Variants in CLASP1 observed in about 807,000 individuals in gnomAD.
CLASP1 encodes cytoplasmic linker associated protein 1.
Under a neutral mutation model 192.3 loss-of-function variants are expected in CLASP1, and 38 were observed. The observed-to-expected ratio is 0.20, with a 90% CI of 0.15 to 0.26. CLASP1 has a LOEUF of 0.26. Ranked by LOEUF, CLASP1 falls within the 10% of genes least tolerant of loss-of-function variation. CLASP1 has a pLI of 1.00. For missense variants in CLASP1, 1,433 were observed against 1,932.5 expected (o/e 0.74, Z 4.85); for synonymous variants, 691 against 712.8 (o/e 0.97, Z 0.49).
intron 1 of CLASP1, among the ~76,000 whole-genome samples, 166 bp from the exon 2 acceptor site, chr2:121,606,346 T>C (rs947154283): frequency 1.3e-5 from 2 of 152,104 alleles, no homozygotes; most frequent in Non-Finnish European, 2.9e-5. Flanking sequence ...AATAACATAA[T>C]TATTATTTTT....
At chr2:121,351,102 G>A (rs189923728) in intron 37 of CLASP1, among the ~76,000 whole-genome samples, 51 of 152,292 alleles carry the variant, frequency 3.3e-4, no homozygotes, top group Middle Eastern at 6.8e-3. Context: ...CTTCCTGAAG[G>A]GAACCCCACC....
At chr2:121,599,205 T>C (rs1278664662) in intron 2 of CLASP1, among the ~76,000 whole-genome samples, 1 of 151,510 alleles carries the variant, frequency 6.6e-6, no homozygotes, top group East Asian at 1.9e-4. Flanking sequence ...TTCATCTACC[T>C]TCCCTGTTAA....
At chr2:121,575,689 A>G (rs2060449839) in intron 2 of CLASP1, among the ~76,000 whole-genome samples, 1 of 152,240 alleles carries the variant, frequency 6.6e-6, no homozygotes, top group Non-Finnish European at 1.5e-5. Flanking sequence ...AAGTGTTCAC[A>G]ACTCAATATA....
chr2:121,401,075 T>C (rs2076098215), intron 28 of CLASP1, among the ~76,000 whole-genome samples: 1 of 152,222 alleles, frequency 6.6e-6, no homozygotes, highest in Non-Finnish European at 1.5e-5. Flanking sequence ...CTCTAGCCAG[T>C]GTACTATTAA....
At chr2:121,644,813 C>T (rs897980548) in intron 1 of CLASP1, among the ~76,000 whole-genome samples, 1 of 151,944 alleles carries the variant, frequency 6.6e-6, no homozygotes, top group South Asian at 2.1e-4. Flanking sequence ...AGAAAATTAG[C>T]CAGGTGTGGT....
chr2:121,618,339 T>C lies in CLASP1; in HGVS notation c.-285-12159A>G, dbSNP rs146110550. ...GTTGAGTTCCATTCTTTCTTAGAAG[T>C]AGAGGTAAGGGAGAAGGTAGAAAAC... On this transcript the variant is annotated intron_variant, in intron 1 of 39. Coordinates refer to ENST00000263710, the Ensembl canonical transcript of CLASP1. 7.2e-4 allele frequency among the ~76,000 whole-genome samples: 110 copies of C among 152,246 alleles called. 1 individual carries two copies. Among genetic ancestry groups the C allele is most frequent in the African/African-American group, 2.4e-3 (101 of 41,530 alleles).
intron 37 of CLASP1, among the ~76,000 whole-genome samples, chr2:121,362,945 A>G (rs1226759821): frequency 6.6e-6 from 1 of 152,236 alleles, no homozygotes; most frequent in Non-Finnish European, 1.5e-5. Context: ...GGCCTGCTGG[A>G]AACAGTGAGC....
At chr2:121,393,575 A>G (rs1425102088) in intron 30 of CLASP1, among the ~76,000 whole-genome samples, 1 of 152,170 alleles carries the variant, frequency 6.6e-6, no homozygotes, top group African/African-American at 2.4e-5. Context: ...CACTACCTTC[A>G]TTTTGACAGT....
At position 121,341,437 on chromosome 2, in the gene CLASP1, C is replaced by T. The variant is rs1036852469; in HGVS notation, c.4531-490G>A. On this transcript the variant is annotated intron_variant, in intron 39 of 39. Coordinates refer to ENST00000263710, the Ensembl canonical transcript of CLASP1. ...CTGGGACTACAGGCATGTGACACCACGCCTGACAGTACTTTAAATGTAAAT... is the reference window on the plus strand; with the variant it reads ...CTGGGACTACAGGCATGTGACACCATGCCTGACAGTACTTTAAATGTAAAT... Among the ~76,000 whole-genome samples the T allele has an allele frequency of 2.3e-4, 35 of 152,286 alleles. 1 individual carries two copies. Among genetic ancestry groups the T allele is most frequent in the South Asian group, 1.7e-3 (8 of 4,834 alleles).
At chr2:121,523,212 G>A (rs949454173) in intron 6 of CLASP1, among the ~76,000 whole-genome samples, 4 of 152,150 alleles carry the variant, frequency 2.6e-5, no homozygotes, top group Non-Finnish European at 5.9e-5. Context: ...TCTGCCTTTT[G>A]GCAACTTTAA....
intron 30 of CLASP1, among the ~76,000 whole-genome samples, chr2:121,389,518 GC>G (rs1167187868): frequency 4.0e-5 from 6 of 150,550 alleles, no homozygotes; most frequent in African/African-American, 1.5e-4. Flanking sequence ...GAAAAATAAT[GC>G]ACTACAAGGA....
intron 1 of CLASP1, among the ~76,000 whole-genome samples, chr2:121,609,597 C>T (rs2064927073): frequency 1.3e-5 from 2 of 152,146 alleles, no homozygotes; most frequent in African/African-American, 4.8e-5. Context: ...TACAAAAGTG[C>T]AAGACCTGCC....
intron 19 of CLASP1, among the ~76,000 whole-genome samples, chr2:121,431,142 T>C (rs1212296701): frequency 2.0e-5 from 3 of 151,996 alleles, no homozygotes; most frequent in Non-Finnish European, 1.5e-5. Flanking sequence ...TACAGAGAAG[T>C]AATGCAGGAA....
At chr2:121,530,082 C>A (rs2094721948) in intron 3 of CLASP1, among the ~76,000 whole-genome samples, 165 bp downstream of exon 3, 1 of 99,160 alleles carries the variant, frequency 1.0e-5, no homozygotes, top group Non-Finnish European at 2.1e-5. Context: ...CTTAGGGGGG[C>A]TGCGGGGGAG....
At chr2:121,503,639 G>A (rs1209392755) in intron 7 of CLASP1, among the ~76,000 whole-genome samples, 1 of 152,130 alleles carries the variant, frequency 6.6e-6, no homozygotes, top group East Asian at 1.9e-4. Flanking sequence ...TTGGGATGGA[G>A]CTTTTCAAAA....
rs557245575 is a variant in CLASP1, at chr2:121,399,432, G to A, written c.2901-1032C>T. On this transcript the variant is annotated intron_variant, in intron 28 of 39. Transcript: ENST00000263710. ...GTCTCTCCCTTCTTCTGGCAGCATG[G>A]GGTGGATGGAGAATACATTTCAGTA... Among the ~76,000 whole-genome samples, 4 of 152,292 alleles carry A rather than the reference G, an allele frequency of 2.6e-5. No individual in the cohort carries two copies. In the East Asian group the frequency reaches 7.7e-4, roughly 29 times the overall value.
chr2:121,477,548 ATATG>A (rs1199157105), intron 8 of CLASP1, among the ~76,000 whole-genome samples: 1 of 152,198 alleles, frequency 6.6e-6, no homozygotes, highest in East Asian at 1.9e-4. Flanking sequence ...ACTTTGATAT[ATATG>A]TATTTCTAGA....
At chr2:121,370,057 A>G (rs1190434753) in intron 34 of CLASP1, among the ~76,000 whole-genome samples, 1 of 152,148 alleles carries the variant, frequency 6.6e-6, no homozygotes, top group Non-Finnish European at 1.5e-5. Context: ...AGTCTGCTGT[A>G]TTTCTGTAAT....
rs113041904 is a variant in CLASP1, at chr2:121,511,190, A to G, written c.644+4475T>C. ...CAAATATTAATAGTGAACTGTAAATAGCATTCATAATCATAATATGAACTA... is the reference window on the plus strand; with the variant it reads ...CAAATATTAATAGTGAACTGTAAATGGCATTCATAATCATAATATGAACTA... On this transcript the variant is annotated intron_variant, in intron 7 of 39. Transcript: ENST00000263710. 9.8e-5 allele frequency among the ~76,000 whole-genome samples: 15 copies of G among 152,392 alleles called. 1 individual carries two copies. The highest frequency in any genetic ancestry group is 3.4e-4 in the African/African-American group (14 of 41,600).
Sources: allele counts gnomAD v4.1 joint callset (sites outside exome capture counted in the v4.1 genomes callset), GRCh38; gene constraint gnomAD v4.1.1; transcripts MANE v1.5; gene names NCBI Gene and HGNC (gene_info 2026-07-23, HGNC 2026-07-21).